The following FRZB variants were observed in gnomAD, a reference collection of about 807,000 sequenced individuals.
FRZB encodes the protein secreted frizzled-related protein 3.
A neutral mutation model predicts 32.5 loss-of-function variants in FRZB; 34 were observed. The observed-to-expected ratio is 1.05, with a 90% confidence interval of 0.80 to 1.39. The LOEUF (loss-of-function observed/expected upper bound fraction) is 1.39, where lower values mean the gene tolerates loss of function less well. Among genes scored for constraint, FRZB ranks in the 40% most tolerant of loss-of-function variants. The pLI is 0.00. For synonymous variants in FRZB, 170 were observed against 159.2 expected (o/e 1.07, Z -0.51); for missense variants, 423 against 424.8 (o/e 1.00, Z 0.04).
chr2:182,851,422 G>A (rs1695709014), intron 2 of FRZB, among the ~76,000 whole-genome samples: 1 of 152,218 alleles, frequency 6.6e-6, no homozygotes, highest in East Asian at 1.9e-4. Context: ...CTGGGAGGCT[G>A]AGGTGGTTGG....
chr2:182,842,317 T>C (rs888587382), intron 3 of FRZB, among the ~76,000 whole-genome samples, 161 bp downstream of exon 3: 1 of 152,140 alleles, frequency 6.6e-6, no homozygotes, highest in Non-Finnish European at 1.5e-5. Context: ...GACATTTTAA[T>C]TGGTCGGGGC....
intron 2 of FRZB, among the ~76,000 whole-genome samples, chr2:182,852,071 C>T (rs1012279997): frequency 2.0e-5 from 3 of 152,172 alleles, no homozygotes; most frequent in Non-Finnish European, 4.4e-5. Context: ...ATTTGTCTAT[C>T]CTTTTTTTTC....
intron 2 of FRZB, among the ~76,000 whole-genome samples, chr2:182,854,819 A>C (rs1258506702): frequency 6.6e-6 from 1 of 152,244 alleles, no homozygotes; most frequent in African/African-American, 2.4e-5. Context: ...ATCACAGAGT[A>C]GGATAAAGCT....
intron 2 of FRZB, among the ~76,000 whole-genome samples, chr2:182,842,955 T>G (rs546442768): frequency 1.3e-5 from 2 of 152,294 alleles, no homozygotes; most frequent in Admixed American, 1.3e-4. Flanking sequence ...ACCTAATGTT[T>G]TTTTACTTTT....
At position 182,837,904 on chromosome 2, in the gene FRZB, T is replaced by C. The variant is rs779546013; in HGVS notation, c.861+44A>G. 1.2e-5 allele frequency: 18 copies of C among 1,493,178 alleles called. No individual in the cohort carries two copies. The East Asian group carries it at 4.1e-4, about 34-fold the overall frequency. The allele number at this position is 1,493,178 out of a possible 1,614,324, so 92.5% of individuals were successfully genotyped here. On this transcript the variant is annotated intron_variant, in intron 5 of 5. Transcript: ENST00000295113. ...ACAGATGGCTGGTTTTCTACTTTTGTTTTGTTTTCTGTGTATTACTTCAAA... is the reference window on the plus strand; with the variant it reads ...ACAGATGGCTGGTTTTCTACTTTTGCTTTGTTTTCTGTGTATTACTTCAAA...
chr2:182,845,270 T>A (rs1289803395), intron 2 of FRZB, among the ~76,000 whole-genome samples: 2 of 142,912 alleles, frequency 1.4e-5, no homozygotes, highest in Admixed American at 7.0e-5. Context: ...AGCTGTCACC[T>A]TTTTTGTGCC....
intron 3 of FRZB, 41 bp downstream of exon 3, chr2:182,842,435 CTT>C: frequency 7.0e-7 from 1 of 1,419,002 alleles, no homozygotes; most frequent in Non-Finnish European, 1.0e-6. Flanking sequence ...ACACACCTCT[CTT>C]AACACAGCAG....
intron 2 of FRZB, among the ~76,000 whole-genome samples, chr2:182,847,464 TAAAATGAGTTC>T (rs1187977959): frequency 6.6e-6 from 1 of 152,136 alleles, no homozygotes. Context: ...CCCTCAGAGC[TAAAATGAGTTC>T]AGAGAGAAAA....
intron 2 of FRZB, among the ~76,000 whole-genome samples, chr2:182,854,105 G>A (rs886510266): frequency 1.3e-5 from 2 of 152,074 alleles, no homozygotes; most frequent in African/African-American, 4.8e-5. Flanking sequence ...TGAATTTATG[G>A]TACTAGAATT....
At chr2:182,863,825 T>C (rs1695860445) in intron 1 of FRZB, among the ~76,000 whole-genome samples, 1 of 152,176 alleles carries the variant, frequency 6.6e-6, no homozygotes. Flanking sequence ...GCATAGGGAA[T>C]GTAATTTTCA....
chr2:182,850,045 C>A (rs1695692699), intron 2 of FRZB, among the ~76,000 whole-genome samples: 1 of 152,206 alleles, frequency 6.6e-6, no homozygotes, highest in South Asian at 2.1e-4. Context: ...CCTATTTGCT[C>A]TTTCATTCCA....
chr2:182,865,235 G>A (rs1695877890), intron 1 of FRZB, among the ~76,000 whole-genome samples: 1 of 151,852 alleles, frequency 6.6e-6, no homozygotes. Context: ...TAAGGGGTGA[G>A]ATTTAAAATA....
intron 1 of FRZB, among the ~76,000 whole-genome samples, chr2:182,865,490 G>A (rs887157078): frequency 6.6e-5 from 10 of 152,200 alleles, no homozygotes; most frequent in African/African-American, 2.4e-4. Context: ...GAAGGTAATT[G>A]CTCAAACTGG....
Position 182,866,009 on chromosome 2 carries a change from T to C in FRZB, c.478+66A>G, listed in dbSNP as rs1264404039. 23 of 1,284,412 alleles carry C rather than the reference T, an allele frequency of 1.8e-5. No individual in the cohort carries two copies. The highest frequency in any genetic ancestry group is 2.3e-5 in the Non-Finnish European group (21 of 907,248). The allele number at this position is 1,284,412 out of a possible 1,614,324, so 79.6% of individuals were successfully genotyped here. The stretch of plus-strand genomic sequence containing the variant: ...AAAAAAATTAGAGAGTAAAGGCTAG[T>C]AACAAGGACTCCAAGAATTGAGGAG... On this transcript the variant is annotated intron_variant, in intron 1 of 5. Coordinates refer to ENST00000295113, the MANE Select transcript of FRZB (RefSeq NM_001463.4). This position sits in a 1 kb window ranked among gnomAD's most constrained non-coding sequence, Gnocchi z 4.5.
chr2:182,834,991 T>A (rs1330107029), intron 5 of FRZB, 26 bp from the exon 6 acceptor site: 1 of 1,494,170 alleles, frequency 6.7e-7, no homozygotes, highest in Non-Finnish European at 9.3e-7. Flanking sequence ...TAGAAAATAG[T>A]CACAAGCACA....
intron 1 of FRZB, among the ~76,000 whole-genome samples, chr2:182,860,289 A>C (rs1201837949): frequency 6.6e-6 from 1 of 152,240 alleles, no homozygotes; most frequent in East Asian, 1.9e-4. Context: ...AGTTAAACTT[A>C]GGAATTCTAA....
intron 2 of FRZB, among the ~76,000 whole-genome samples, chr2:182,855,790 C>A (rs1411040261): frequency 6.6e-6 from 1 of 152,042 alleles, no homozygotes; most frequent in Non-Finnish European, 1.5e-5. Context: ...ATTCAAGAAG[C>A]TCAGATAACC....
chr2:182,837,998 C>A lies in FRZB; in HGVS notation c.811G>T (p.Glu271Ter). The A allele has an allele frequency of 6.2e-7, 1 of 1,611,574 alleles. No individual in the cohort carries two copies. The change falls in exon 5 of 6, where the codon GAA becomes TAA. Residue 271 changes from glutamate to a stop codon, truncating the protein, a stop_gained. Transcript: ENST00000295113. LOFTEE classifies it high-confidence loss of function. ...TTCCACTTCTCAGCTATAGAGCCTT[C>A]CACCAAGAGTAATCTGTATTTTTGA... is the stretch of plus-strand genomic sequence containing the variant. Reference protein sequence around the residue: ...DEERSRLLLVEGSIAEKWKDR... With the variant: ...DEERSRLLLV
rs6722355 is a variant in FRZB, at chr2:182,864,854, T to G, written c.478+1221A>C. Among the ~76,000 whole-genome samples, 1,433 of 151,436 alleles carry G rather than the reference T, an allele frequency of 9.5e-3. 28 individuals carry two copies. The highest frequency in any genetic ancestry group is 0.032 in the African/African-American group (1,336 of 41,252). On this transcript the variant is annotated intron_variant, in intron 1 of 5. Coordinates refer to ENST00000295113, the MANE Select transcript of FRZB (RefSeq NM_001463.4). Reference sequence around the variant, plus strand: ...AGATGGAGGCAACCAAGTCAACACATCTAAGAACAGAGTTGTTGGGGGGTG... The same window carrying G: ...AGATGGAGGCAACCAAGTCAACACAGCTAAGAACAGAGTTGTTGGGGGGTG...
Sources: gnomAD v4.1 joint callset for allele counts (sites outside exome capture counted in the v4.1 genomes callset) on GRCh38, gnomAD v4.1.1 for gene constraint, Gnocchi (gnomAD v3.1) non-coding constraint, MANE v1.5 for transcripts, NCBI Gene and HGNC (gene_info 2026-07-23, HGNC 2026-07-21) for gene names.